Variants in MAML2 observed in about 807,000 individuals in gnomAD.
MAML2 encodes the protein mastermind like transcriptional coactivator 2.
Under a neutral mutation model 96.1 loss-of-function variants are expected in MAML2, and 22 were observed. The ratio of observed to expected loss-of-function variants is 0.23; its 90% CI spans 0.16 to 0.33. MAML2 has a LOEUF of 0.33. Ranked by LOEUF, MAML2 falls within the 10% of genes least tolerant of loss-of-function variation. The pLI is 1.00. For missense variants in MAML2, 1,367 were observed against 1,392.4 expected, an observed-to-expected ratio of 0.98 and a Z score of 0.29; for synonymous variants, 561 against 521.3, an observed-to-expected ratio of 1.08 and a Z score of -1.04.
intron 2 of MAML2, among the ~76,000 whole-genome samples, chr11:96,035,567 A>T (rs1043192474): frequency 3.3e-5 from 5 of 152,218 alleles, no homozygotes; most frequent in African/African-American, 1.2e-4. Flanking sequence ...ACTGGGCAAC[A>T]GTAACTAAGA....
chr11:96,175,474 G>A (rs1861371551), intron 1 of MAML2, among the ~76,000 whole-genome samples: 3 of 152,120 alleles, frequency 2.0e-5, no homozygotes, highest in Non-Finnish European at 2.9e-5. Flanking sequence ...AGAAGACGTG[G>A]GTTTACCACC....
chr11:96,180,583 C>T (rs1477148040), intron 1 of MAML2, among the ~76,000 whole-genome samples: 2 of 152,144 alleles, frequency 1.3e-5, no homozygotes, highest in African/African-American at 4.8e-5. Context: ...TGACTCCAGT[C>T]CCTTGGTCTG....
chr11:96,181,465 CA>C (rs1861484396), intron 1 of MAML2, among the ~76,000 whole-genome samples: 1 of 152,192 alleles, frequency 6.6e-6, no homozygotes, highest in Admixed American at 6.5e-5. Context: ...CAAACATCAG[CA>C]GTATACTTTG....
At chr11:96,265,352 C>T (rs901407611) in intron 1 of MAML2, among the ~76,000 whole-genome samples, 3 of 152,170 alleles carry the variant, frequency 2.0e-5, no homozygotes, top group African/African-American at 7.2e-5. Flanking sequence ...AAGTGAATAA[C>T]TAGAATATGG....
At chr11:96,048,250 G>A (rs1858937680) in intron 2 of MAML2, among the ~76,000 whole-genome samples, 1 of 152,056 alleles carries the variant, frequency 6.6e-6, no homozygotes, top group Admixed American at 6.5e-5. Context: ...TAATTTAATA[G>A]GTGAGCAAGT....
At chr11:96,081,326 T>C (rs4456224) in intron 2 of MAML2, among the ~76,000 whole-genome samples, 121,095 of 152,032 alleles carry the variant, frequency 0.8, 48,881 homozygotes, top group Non-Finnish European at 0.85. Context: ...ATAATATTCA[T>C]ATAAGATTTT....
chr11:96,063,181 C>T (rs2135780738), intron 2 of MAML2, among the ~76,000 whole-genome samples: 1 of 152,302 alleles, frequency 6.6e-6, no homozygotes, highest in South Asian at 2.1e-4. Context: ...TGCTGTACAC[C>T]TATCTCCACC....
intron 1 of MAML2, among the ~76,000 whole-genome samples, chr11:96,188,983 C>T (rs907454777): frequency 2.6e-5 from 4 of 152,078 alleles, no homozygotes; most frequent in Admixed American, 2.6e-4. Context: ...GAAACCATTA[C>T]TCTTTTAACT....
At chr11:96,001,983 C>G (rs1259612187) in intron 2 of MAML2, among the ~76,000 whole-genome samples, 1 of 152,166 alleles carries the variant, frequency 6.6e-6, no homozygotes, top group Non-Finnish European at 1.5e-5. Context: ...CTTTTCCTAC[C>G]AGGTGAACAT....
intron 1 of MAML2, among the ~76,000 whole-genome samples, chr11:96,176,738 A>G (rs1303053771): frequency 3.9e-5 from 6 of 152,188 alleles, no homozygotes; most frequent in African/African-American, 1.4e-4. Flanking sequence ...GCCACCAGGT[A>G]GTGGGAAGGA....
At chr11:96,324,126 G>A (rs574393684) in intron 1 of MAML2, among the ~76,000 whole-genome samples, 1 of 152,306 alleles carries the variant, frequency 6.6e-6, no homozygotes, top group Non-Finnish European at 1.5e-5. Context: ...TAATACCTAT[G>A]TAATTATCTG....
rs534992896 is a variant in MAML2, at chr11:96,317,532, A to AC, written c.513+23850dup. 3.9e-5 allele frequency among the ~76,000 whole-genome samples: 6 copies of AC among 152,274 alleles called. No homozygotes were observed. The East Asian group carries it at 1.2e-3, about 29-fold the overall frequency. ...ACTGTGCCTCCCTTTACCAAAACAT[A>AC]CCAACCTACTGAATTGTTATATTCT... On this transcript the variant is annotated intron_variant, in intron 1 of 4. Transcript: ENST00000524717.
chr11:96,026,452 A>G (rs1307898740), intron 2 of MAML2, among the ~76,000 whole-genome samples: 1 of 152,144 alleles, frequency 6.6e-6, no homozygotes, highest in Admixed American at 6.6e-5. Flanking sequence ...TCTTAGCAAC[A>G]CTGGTAAGAG....
At chr11:96,193,294 G>A (rs1362235210) in intron 1 of MAML2, among the ~76,000 whole-genome samples, 3 of 152,160 alleles carry the variant, frequency 2.0e-5, no homozygotes, top group Non-Finnish European at 2.9e-5. Flanking sequence ...ATTTGAACCC[G>A]GGAGGCGGAG....
intron 1 of MAML2, among the ~76,000 whole-genome samples, chr11:96,225,687 G>T (rs1019264334): frequency 6.6e-6 from 1 of 152,052 alleles, no homozygotes; most frequent in Non-Finnish European, 1.5e-5. Context: ...ACAAAAATTA[G>T]CTGGGCGTGG....
chr11:96,138,321 T>C (rs1860669932), intron 1 of MAML2, among the ~76,000 whole-genome samples: 1 of 152,218 alleles, frequency 6.6e-6, no homozygotes, highest in East Asian at 1.9e-4. Flanking sequence ...GACAGCCACC[T>C]GACCGCCACC....
At chr11:96,271,865 G>A (rs985956700) in intron 1 of MAML2, among the ~76,000 whole-genome samples, 2 of 152,236 alleles carry the variant, frequency 1.3e-5, no homozygotes, top group South Asian at 2.1e-4. Flanking sequence ...CTCCAAGACC[G>A]CATTACTTCT....
chr11:96,122,736 A>G (rs1860372295), intron 1 of MAML2, among the ~76,000 whole-genome samples: 1 of 152,170 alleles, frequency 6.6e-6, no homozygotes, highest in South Asian at 2.1e-4. Flanking sequence ...TCCAGCCAAG[A>G]GGGAAAAGCT....
At chr11:96,326,938 T>C (rs1863794128) in intron 1 of MAML2, among the ~76,000 whole-genome samples, 1 of 152,202 alleles carries the variant, frequency 6.6e-6, no homozygotes, top group African/African-American at 2.4e-5. Flanking sequence ...CTTGGTCTCA[T>C]AGAGCTTACA....
Sources: allele counts gnomAD v4.1 joint callset (sites outside exome capture counted in the v4.1 genomes callset), GRCh38; gene constraint gnomAD v4.1.1; transcripts MANE v1.5; gene names NCBI Gene and HGNC (gene_info 2026-07-23, HGNC 2026-07-21).